MYH9: variants seen among roughly 807,000 people sequenced by gnomAD.
The protein encoded by MYH9 is myosin heavy chain 9.
In MYH9, 29 loss-of-function variants were observed where a neutral mutation model predicts 241.9. The observed-to-expected ratio is 0.12, with a 90% confidence interval of 0.09 to 0.16. MYH9 has a LOEUF of 0.16. Among genes scored for constraint, MYH9 ranks in the 10% least tolerant of loss-of-function variants. The pLI, the probability that MYH9 is intolerant of heterozygous loss-of-function variation, is 1.00. For synonymous variants in MYH9, 1,047 were observed against 1,062.6 expected (o/e 0.99, Z 0.29); for missense variants, 1,803 against 2,595.5 (o/e 0.69, Z 6.63).
chr22:36,376,610 C>T (rs1488568804), intron 1 of MYH9, among the ~76,000 whole-genome samples: 1 of 152,162 alleles, frequency 6.6e-6, no homozygotes, highest in East Asian at 1.9e-4. Context: ...ATACCCAATA[C>T]TTGGTTCTTA....
At chr22:36,379,540 A>G (rs1349123362) in intron 1 of MYH9, among the ~76,000 whole-genome samples, 2 of 152,190 alleles carry the variant, frequency 1.3e-5, no homozygotes, top group Non-Finnish European at 2.9e-5. Context: ...GAAAGACATC[A>G]TCTTGGCCTA....
At chr22:36,357,283 A>G (rs895649872) in intron 1 of MYH9, among the ~76,000 whole-genome samples, 17 of 152,162 alleles carry the variant, frequency 1.1e-4, no homozygotes, top group Non-Finnish European at 2.2e-4. Flanking sequence ...ATTGGCAGGG[A>G]AGGGAAGAGA....
In MYH9 at chr22:36,300,686, C is replaced by T. The variant is rs901564033; in HGVS notation, c.2838+165G>A. Among the ~76,000 whole-genome samples, 2 of 152,206 alleles carry T rather than the reference C, an allele frequency of 1.3e-5. No homozygotes were observed. Among genetic ancestry groups the T allele is most frequent in the African/African-American group, 4.8e-5 (2 of 41,450 alleles). ...AGATCTCAGATGCACATGTCACAAACTACCAGCCCAAAGGGAACACCTCTC... is the reference window on the plus strand; with the variant it reads ...AGATCTCAGATGCACATGTCACAAATTACCAGCCCAAAGGGAACACCTCTC... On this transcript the variant is annotated intron_variant, in intron 22 of 40. Coordinates refer to ENST00000216181, the MANE Select transcript of MYH9 (RefSeq NM_002473.6). This position sits in a 1 kb window ranked among gnomAD's most constrained non-coding sequence, Gnocchi z 5.0.
chr22:36,328,423 C>A (rs554667396), intron 3 of MYH9, among the ~76,000 whole-genome samples: 13 of 152,310 alleles, frequency 8.5e-5, no homozygotes, highest in African/African-American at 2.6e-4. Context: ...CGTTTTATCC[C>A]GCCCCATCTA....
intron 25 of MYH9, 120 bp downstream of exon 25, chr22:36,296,723 T>C: frequency 8.2e-7 from 1 of 1,218,396 alleles, no homozygotes; most frequent in Non-Finnish European, 1.1e-6. Flanking sequence ...TAAATGGCTC[T>C]TTTAAGACAA....
chr22:36,284,121 C>T lies in MYH9; in HGVS notation c.5737G>A (p.Glu1913Lys), dbSNP rs776378927. 3.1e-6 allele frequency: 5 copies of T among 1,614,202 alleles called. No homozygotes were observed. Among genetic ancestry groups the T allele is most frequent in the South Asian group, 1.1e-5 (1 of 91,088 alleles). Residue 1913 changes from glutamate (E) to lysine (K), a missense_variant, in exon 40 of 41, where the codon GAA (glutamate) becomes AAA (lysine). Around this residue, in one of 11 missense-constraint regions of MYH9, gnomAD observed 876 missense variants for 1,077.8 expected, o/e 0.81. Transcript: ENST00000216181. ...AGCTTGTTCTTTAGGGAGCTGACTT[C>T]GCGGTTCATGGCATCGGCCGTCTCA... ...ATETADAMNR[E>K]VSSLKNKLRR...
intron 25 of MYH9, among the ~76,000 whole-genome samples, chr22:36,296,622 T>C (rs962052146): frequency 6.8e-6 from 1 of 147,272 alleles, no homozygotes; most frequent in African/African-American, 2.5e-5. Context: ...GATAGAGCTG[T>C]GGATGACTTT....
At chr22:36,334,256 C>T (rs1456661530) in intron 3 of MYH9, among the ~76,000 whole-genome samples, 2 of 152,216 alleles carry the variant, frequency 1.3e-5, no homozygotes, top group African/African-American at 4.8e-5. Flanking sequence ...GGAGGAGCAG[C>T]ACAAAGCAGC....
chr22:36,304,375 T>G (rs935464294), intron 18 of MYH9, among the ~76,000 whole-genome samples: 1 of 152,234 alleles, frequency 6.6e-6, no homozygotes, highest in African/African-American at 2.4e-5. Context: ...GAATTTTTCC[T>G]TCTCTTTTCC....
chr22:36,341,058 GGAA>G (rs1237596831), intron 3 of MYH9, among the ~76,000 whole-genome samples: 4 of 152,150 alleles, frequency 2.6e-5, no homozygotes, highest in East Asian at 3.8e-4. Context: ...GGGAAGAACA[GGAA>G]GAAGAAGGGG....
chr22:36,318,763 A>C (rs899240962), intron 10 of MYH9, among the ~76,000 whole-genome samples: 6 of 151,834 alleles, frequency 4.0e-5, no homozygotes, highest in Non-Finnish European at 5.9e-5. Flanking sequence ...TCCCACAGGA[A>C]TGTCTTTTTT....
chr22:36,380,046 C>T (rs910525892), intron 1 of MYH9, among the ~76,000 whole-genome samples: 24 of 152,184 alleles, frequency 1.6e-4, no homozygotes, highest in Non-Finnish European at 2.9e-4. Context: ...AGATACAGGC[C>T]GCCCGCCCAT....
chr22:36,356,969 G>A (rs2146401515), intron 1 of MYH9, among the ~76,000 whole-genome samples: 2 of 152,364 alleles, frequency 1.3e-5, no homozygotes, highest in South Asian at 4.1e-4. Context: ...CACCTCTCTG[G>A]CCTCAACTGT....
At chr22:36,371,702 A>G (rs768148276) in intron 1 of MYH9, among the ~76,000 whole-genome samples, 1 of 151,840 alleles carries the variant, frequency 6.6e-6, no homozygotes, top group Non-Finnish European at 1.5e-5. Flanking sequence ...ATGCCTGGCT[A>G]ATTTTTGTAT....
At chr22:36,369,288 G>C (rs2018057036) in intron 1 of MYH9, among the ~76,000 whole-genome samples, 1 of 152,216 alleles carries the variant, frequency 6.6e-6, no homozygotes, top group Non-Finnish European at 1.5e-5. Context: ...ACGTTGAGGT[G>C]CTGATGGAGA....
chr22:36,327,409 T>C, intron 4 of MYH9, 52 bp downstream of exon 4: 2 of 1,609,006 alleles, frequency 1.2e-6, no homozygotes, highest in Non-Finnish European at 8.5e-7. Context: ...ACCTCAAGAA[T>C]GAGAACAGAC....
chr22:36,358,001 A>C (rs2017882067), intron 1 of MYH9, among the ~76,000 whole-genome samples: 1 of 152,194 alleles, frequency 6.6e-6, no homozygotes, highest in African/African-American at 2.4e-5. Context: ...CCAGCATCAA[A>C]GGGTCCAGAT....
chr22:36,381,056 T>C (rs184767604), intron 1 of MYH9, among the ~76,000 whole-genome samples: 36 of 152,268 alleles, frequency 2.4e-4, no homozygotes, highest in Admixed American at 2.0e-3. Context: ...CCCAAAGGTT[T>C]CAAGCACAAA....
chr22:36,356,230 C>T (rs754247429), intron 1 of MYH9, among the ~76,000 whole-genome samples: 14 of 152,162 alleles, frequency 9.2e-5, no homozygotes, highest in African/African-American at 1.4e-4. Context: ...TTTCTACTTG[C>T]GGCCGTTGGT....
Sources: allele counts gnomAD v4.1 joint callset (sites outside exome capture counted in the v4.1 genomes callset), GRCh38; gene constraint gnomAD v4.1.1; regional missense constraint gnomAD v4.1.1; non-coding constraint Gnocchi (gnomAD v3.1); transcripts MANE v1.5; gene names NCBI Gene and HGNC (gene_info 2026-07-23, HGNC 2026-07-21).